The following MAP2 variants were observed in gnomAD, a reference collection of about 807,000 sequenced individuals.
MAP2 encodes the protein microtubule-associated protein 2.
In MAP2, 14 loss-of-function variants were observed where a neutral mutation model predicts 137.6. The ratio of observed to expected loss-of-function variants is 0.10; its 90% CI spans 0.07 to 0.16. The LOEUF is 0.16. Ranked by LOEUF, MAP2 falls within the 10% of genes least tolerant of loss-of-function variation. The pLI, the probability that MAP2 is intolerant of heterozygous loss-of-function variation, is 1.00. For synonymous variants in MAP2, 786 were observed against 782.3 expected, an observed-to-expected ratio of 1.00 and a Z score of -0.08; for missense variants, 2,088 against 2,191.5, an observed-to-expected ratio of 0.95 and a Z score of 0.94.
intron 5 of MAP2, among the ~76,000 whole-genome samples, chr2:209,656,838 TA>T (rs2095179880): frequency 6.6e-6 from 1 of 152,200 alleles, no homozygotes; most frequent in South Asian, 2.1e-4. Flanking sequence ...ATATATCTCA[TA>T]GGGGTGAAGT....
At chr2:209,495,047 G>T (rs920932191) in intron 1 of MAP2, among the ~76,000 whole-genome samples, 14 of 152,206 alleles carry the variant, frequency 9.2e-5, no homozygotes, top group Non-Finnish European at 1.9e-4. Context: ...CTTAATAAAA[G>T]ACATCGGTAA....
chr2:209,730,412 G>A lies in MAP2; in HGVS notation c.*15G>A. On this transcript the variant is annotated 3_prime_UTR_variant, in exon 16 of 16. Transcript: ENST00000682079. ...AGGGCTTGTGAATATTTCTCATTTA[G>A]CATTGAAATAATAATATTTAGGCAT... The A allele has an allele frequency of 1.3e-6, 2 of 1,593,816 alleles. No individual in the cohort carries two copies. Among genetic ancestry groups the A allele is most frequent in the Admixed American group, 1.7e-5 (1 of 59,636 alleles).
intron 2 of MAP2, chr2:209,579,268 TGC>T: frequency 1.8e-5 from 1 of 57,088 alleles, no homozygotes; most frequent in Admixed American, 2.7e-4. Context: ...TGTGTGTGTG[TGC>T]GTGCGTGCGT....
At chr2:209,483,988 C>T (rs191978520) in intron 1 of MAP2, among the ~76,000 whole-genome samples, 3 of 152,238 alleles carry the variant, frequency 2.0e-5, no homozygotes, top group Non-Finnish European at 4.4e-5. Context: ...ATCATCCCTG[C>T]AGGGAGCTGG....
intron 1 of MAP2, among the ~76,000 whole-genome samples, chr2:209,435,753 A>G (rs1161883125): frequency 6.6e-6 from 1 of 150,910 alleles, no homozygotes; most frequent in Non-Finnish European, 1.5e-5. Flanking sequence ...ACTTCTTTGG[A>G]AATTTTGGTT....
intron 1 of MAP2, among the ~76,000 whole-genome samples, chr2:209,491,827 C>G (rs2059150083): frequency 6.6e-6 from 1 of 152,100 alleles, no homozygotes; most frequent in Non-Finnish European, 1.5e-5. Context: ...AAAAAAAACC[C>G]AGGATCAGAT....
intron 4 of MAP2, among the ~76,000 whole-genome samples, chr2:209,629,458 C>T (rs146327766): frequency 6.6e-6 from 1 of 152,206 alleles, no homozygotes; most frequent in East Asian, 1.9e-4. Context: ...AATACCCCAA[C>T]ATTTAAGGAA....
intron 5 of MAP2, among the ~76,000 whole-genome samples, chr2:209,663,416 G>A (rs984878018): frequency 1.1e-4 from 16 of 152,080 alleles, no homozygotes; most frequent in African/African-American, 3.4e-4. Flanking sequence ...TGTGTAGCTC[G>A]TCTCACTGAA....
chr2:209,524,736 G>A (rs1292345070), intron 2 of MAP2, among the ~76,000 whole-genome samples: 1 of 152,074 alleles, frequency 6.6e-6, no homozygotes, highest in African/African-American at 2.4e-5. Context: ...TGTCTTGCCT[G>A]AACACTGGGA....
At chr2:209,630,593 A>G (rs2092896367) in intron 4 of MAP2, among the ~76,000 whole-genome samples, 1 of 152,038 alleles carries the variant, frequency 6.6e-6, no homozygotes, top group Non-Finnish European at 1.5e-5. Flanking sequence ...TAAAAATCTC[A>G]TGGTACAGTT....
intron 1 of MAP2, among the ~76,000 whole-genome samples, chr2:209,458,419 A>G (rs1279849964): frequency 6.6e-6 from 1 of 152,192 alleles, no homozygotes; most frequent in Non-Finnish European, 1.5e-5. Context: ...AGGGACATGG[A>G]GGTAGAAATA....
chr2:209,649,942 A>G (rs921272745), intron 4 of MAP2, among the ~76,000 whole-genome samples: 1 of 152,250 alleles, frequency 6.6e-6, no homozygotes, highest in African/African-American at 2.4e-5. Context: ...AAAGCATTAA[A>G]TACTAAGGAA....
intron 4 of MAP2, among the ~76,000 whole-genome samples, chr2:209,626,243 A>T (rs550433625): frequency 6.6e-6 from 1 of 151,978 alleles, no homozygotes; most frequent in South Asian, 2.1e-4. Context: ...GTGAAACCCC[A>T]TCTCTACCAA....
intron 4 of MAP2, among the ~76,000 whole-genome samples, chr2:209,638,508 T>C (rs946379171): frequency 6.6e-6 from 1 of 152,170 alleles, no homozygotes; most frequent in Non-Finnish European, 1.5e-5. Flanking sequence ...ATGACTCTGC[T>C]TTATATGACT....
intron 1 of MAP2, among the ~76,000 whole-genome samples, chr2:209,476,801 A>ATCTT: frequency 6.6e-6 from 1 of 152,178 alleles, no homozygotes; most frequent in African/African-American, 2.4e-5. Context: ...ATTACAATTG[A>ATCTT]TCTTTCTTAT....
intron 6 of MAP2, among the ~76,000 whole-genome samples, chr2:209,679,795 C>T (rs1489882858): frequency 2.0e-5 from 3 of 151,758 alleles, no homozygotes; most frequent in Non-Finnish European, 2.9e-5. Flanking sequence ...CACTTTTATT[C>T]CTTGAAAGAA....
intron 1 of MAP2, among the ~76,000 whole-genome samples, chr2:209,448,186 A>G (rs1025336141): frequency 6.6e-6 from 1 of 152,090 alleles, no homozygotes; most frequent in Admixed American, 6.6e-5. Context: ...AGATGATCCA[A>G]ATAAAGAGGT....
intron 3 of MAP2, among the ~76,000 whole-genome samples, chr2:209,583,147 G>GTCTGTCTGTCTATCTATCTATCTA (rs372013614): frequency 2.0e-5 from 3 of 147,152 alleles, no homozygotes; most frequent in African/African-American, 7.7e-5. Context: ...CTGTCTGTCT[G>GTCTGTCTGTCTATCTATCTATCTA]TCTATCTATC....
chr2:209,667,665 T>C (rs10432440), intron 5 of MAP2, among the ~76,000 whole-genome samples: 1 of 152,162 alleles, frequency 6.6e-6, no homozygotes, highest in East Asian at 1.9e-4. Context: ...AATATTTTCC[T>C]GAAAATTTCA....
Sources: allele counts gnomAD v4.1 joint callset (sites outside exome capture counted in the v4.1 genomes callset), GRCh38; gene constraint gnomAD v4.1.1; transcripts MANE v1.5; gene names NCBI Gene and HGNC (gene_info 2026-07-23, HGNC 2026-07-21).